Variants in NDUFAF5 observed in about 807,000 individuals in gnomAD.
NDUFAF5 encodes NADH:ubiquinone oxidoreductase complex assembly factor 5, also known as arginine-hydroxylase NDUFAF5, mitochondrial.
Under a neutral mutation model 48.9 loss-of-function variants are expected in NDUFAF5, and 34 were observed. That is an observed-to-expected ratio of 0.70 (90% CI 0.53 to 0.93). The LOEUF (loss-of-function observed/expected upper bound fraction) is 0.93. NDUFAF5 is among the 40% of genes least tolerant of loss of function. The probability of loss-of-function intolerance (pLI) is 0.00; values close to 1 mark genes in which losing one functional copy is unlikely to be tolerated. For synonymous variants in NDUFAF5, 153 were observed against 150.6 expected, an observed-to-expected ratio of 1.02 and a Z score of -0.12; for missense variants, 428 against 427.5, an observed-to-expected ratio of 1.00 and a Z score of -0.01.
chr20:13,796,062 C>G (rs1323998349), intron 5 of NDUFAF5, among the ~76,000 whole-genome samples: 4 of 152,102 alleles, frequency 2.6e-5, no homozygotes, highest in Admixed American at 2.6e-4. Flanking sequence ...TTTCTCCTGT[C>G]TTATAGTCAA....
chr20:13,793,671 A>G (rs1600333765), intron 4 of NDUFAF5, among the ~76,000 whole-genome samples: 1 of 152,232 alleles, frequency 6.6e-6, no homozygotes. Context: ...TAGTTTCTCA[A>G]TAACCAACAC....
intron 9 of NDUFAF5, 138 bp from the exon 10 acceptor site, chr20:13,816,737 G>A (rs2147629302): frequency 2.6e-6 from 2 of 761,114 alleles, no homozygotes; most frequent in East Asian, 2.6e-5. Flanking sequence ...TCAGTATTAA[G>A]AATTTTTCAT....
chr20:13,798,322 A>G (rs965235435), intron 5 of NDUFAF5, 139 bp from the exon 6 acceptor site: 15 of 710,800 alleles, frequency 2.1e-5, no homozygotes, highest in Non-Finnish European at 3.8e-5. Flanking sequence ...AACCTGTATG[A>G]AAACGATCAG....
chr20:13,802,435 G>A (rs1459276418), intron 7 of NDUFAF5, among the ~76,000 whole-genome samples: 3 of 152,110 alleles, frequency 2.0e-5, no homozygotes, highest in African/African-American at 2.4e-5. Context: ...TTGGGAGGCC[G>A]AGGCAAGTGG....
At position 13,793,231 on chromosome 20, in the gene NDUFAF5, G is replaced by C. The variant is rs762186203; in HGVS notation, c.375+4G>C. On this transcript the variant is annotated splice_donor_region_variant and intron_variant, in intron 4 of 10. Transcript: ENST00000378106. ...TGACATTGCAGAAAATGCTTTGGTA[G>C]GTAGCTTTTTAATACTGTTGGTTTC... is the stretch of plus-strand genomic sequence containing the variant. The C allele has an allele frequency of 3.7e-6, 6 of 1,611,252 alleles. No homozygotes were observed. Among genetic ancestry groups the C allele is most frequent in the Middle Eastern group, 1.6e-4 (1 of 6,070 alleles).
chr20:13,789,441 A>G (rs1981872758), intron 3 of NDUFAF5, among the ~76,000 whole-genome samples: 1 of 150,896 alleles, frequency 6.6e-6, no homozygotes, highest in South Asian at 2.1e-4. Context: ...CTGGGATGAC[A>G]GGCGTGAGCT....
In NDUFAF5 at chr20:13,785,260, G is replaced by C. The variant is rs988257843; in HGVS notation, c.192G>C (p.Glu64Asp). Reference sequence around the variant, plus strand: ...AGAACTGGGCAGCCCGGCAGCCCGAGCCGACCAAATTTGACTACCTGAAGG... The same window carrying C: ...AGAACTGGGCAGCCCGGCAGCCCGACCCGACCAAATTTGACTACCTGAAGG... ...KQKNWAARQP[E>D]PTKFDYLKEE... Residue 64 changes from glutamate (E) to aspartate (D), a missense_variant, in exon 1 of 11, where the codon GAG becomes GAC. Glu to Asp is a conservative substitution (Grantham distance 45). Transcript: ENST00000378106. The C allele has an allele frequency of 1.2e-6, 2 of 1,612,716 alleles. No individual in the cohort carries two copies. Among genetic ancestry groups the C allele is most frequent in the Non-Finnish European group, 1.7e-6 (2 of 1,179,562 alleles).
At position 13,801,531 on chromosome 20, in the gene NDUFAF5, T is replaced by C. The variant is rs774740189; in HGVS notation, c.565T>C (p.Phe189Leu). Residue 189 changes from phenylalanine to leucine, a missense_variant, in exon 7 of 11, where the codon TTT becomes CTT. Transcript: ENST00000378106. ...AGATGGAGTGTTTATCGGTGCAATG[T>C]TTGGAGGCGACACACTCTATGAACT... ...KPDGVFIGAMFGGDTLYELRC... is the reference protein window; with the variant it reads ...KPDGVFIGAMLGGDTLYELRC... 6.2e-7 allele frequency: 1 copy of C among 1,614,010 alleles called. No individual in the cohort carries two copies. Among genetic ancestry groups the C allele is most frequent in the South Asian group, 1.1e-5 (1 of 91,066 alleles).
rs781120603 is a variant in NDUFAF5 at position 13,787,338 on chromosome 20, A to T, written c.249A>T (p.Val83=). The change falls in exon 2 of 11, where the codon GTA becomes GTT. Residue 83 remains valine (V), a synonymous_variant. Transcript: ENST00000378106. ...TTGGAAGTCGGATCGCAGACCGTGT[A>T]TATGACATACCCAGGTAAGTGGTGG... ...EEVGSRIADR[V]YDIPRNFPLA... 1.2e-6 allele frequency: 2 copies of T among 1,614,118 alleles called. No homozygotes were observed. Among genetic ancestry groups the T allele is most frequent in the Non-Finnish European group, 1.7e-6 (2 of 1,179,974 alleles).
intron 5 of NDUFAF5, 89 bp from the exon 6 acceptor site, chr20:13,798,372 C>A: frequency 1.0e-6 from 1 of 959,852 alleles, no homozygotes; most frequent in Non-Finnish European, 1.7e-6. Flanking sequence ...AAATTAACAC[C>A]TTTTTATGGG....
intron 3 of NDUFAF5, among the ~76,000 whole-genome samples, chr20:13,790,340 C>G (rs1039678801): frequency 6.7e-6 from 1 of 150,026 alleles, no homozygotes; most frequent in South Asian, 2.1e-4. Flanking sequence ...AGTAACTCAA[C>G]GCCAAAAAAC....
chr20:13,819,366 T>TTTTTA lies in NDUFAF5; in HGVS notation c.*2171_*2175dup, dbSNP rs977527315. ...CTTTTTTGTTGGTTTATTTTTTTAT[T>TTTTTA]TTTTATTTTATTTTATTTTTTGAGA... On this transcript the variant is annotated 3_prime_UTR_variant, in exon 11 of 11. Transcript: ENST00000378106. The TTTTTA allele has an allele frequency of 2.6e-5, 4 of 152,196 alleles. No homozygotes were observed. Among genetic ancestry groups the TTTTTA allele is most frequent in the African/African-American group, 9.6e-5 (4 of 41,464 alleles). The allele number at this position is 152,196 out of a possible 1,614,324, so 9.4% of individuals were successfully genotyped here. A position where few individuals can be genotyped will look rare whatever the true frequency, so the allele number is the denominator to read the frequency against.
chr20:13,817,316 T>A lies in NDUFAF5; in HGVS notation c.*106T>A. 1.1e-6 allele frequency: 1 copy of A among 885,816 alleles called. No individual in the cohort carries two copies. The highest frequency in any genetic ancestry group is 1.9e-6 in the Non-Finnish European group (1 of 520,110). The allele number at this position is 885,816 out of a possible 1,614,324, so 54.9% of individuals were successfully genotyped here. A position where few individuals can be genotyped will look rare whatever the true frequency, so the allele number is the denominator to read the frequency against. ...GCAAGAAGCACTCTAAGCTATTTAC[T>A]AATAGGCTTTTCATATAATTAGGAA... is the stretch of plus-strand genomic sequence containing the variant. On this transcript the variant is annotated 3_prime_UTR_variant, in exon 11 of 11. Transcript: ENST00000378106.
chr20:13,807,947 T>C (rs1455411810), intron 7 of NDUFAF5, among the ~76,000 whole-genome samples: 1 of 62,424 alleles, frequency 1.6e-5, no homozygotes, highest in Admixed American at 1.4e-4. Context: ...AGAATCCGTC[T>C]TAAAAAAAAA....
intron 4 of NDUFAF5, among the ~76,000 whole-genome samples, chr20:13,794,427 G>A (rs989924527): frequency 6.6e-6 from 1 of 152,042 alleles, no homozygotes; most frequent in Non-Finnish European, 1.5e-5. Flanking sequence ...TTACAGGTGC[G>A]TGCCACCACG....
chr20:13,796,844 T>C (rs1280978106), intron 5 of NDUFAF5, among the ~76,000 whole-genome samples: 1 of 152,218 alleles, frequency 6.6e-6, no homozygotes, highest in Non-Finnish European at 1.5e-5. Context: ...CTGCATGTCA[T>C]GGCGCATGCC....
At chr20:13,802,663 T>TC (rs1177075115) in intron 7 of NDUFAF5, among the ~76,000 whole-genome samples, 1 of 67,152 alleles carries the variant, frequency 1.5e-5, no homozygotes, top group Non-Finnish European at 2.6e-5. Flanking sequence ...AGAGTGAAAT[T>TC]CCCGTCTCAA....
chr20:13,800,688 A>G (rs990043633), intron 6 of NDUFAF5, among the ~76,000 whole-genome samples: 3 of 152,230 alleles, frequency 2.0e-5, no homozygotes, highest in Admixed American at 6.5e-5. Flanking sequence ...TTTTCTGCAT[A>G]ATAAGGCACC....
intron 6 of NDUFAF5, 128 bp downstream of exon 6, chr20:13,798,628 C>A: frequency 2.6e-6 from 2 of 762,364 alleles, no homozygotes; most frequent in Non-Finnish European, 4.6e-6. Flanking sequence ...TCGGTGAAAT[C>A]ATCTGGTGCC....
Sources: gnomAD v4.1 joint callset for allele counts (sites outside exome capture counted in the v4.1 genomes callset) on GRCh38, gnomAD v4.1.1 for gene constraint, MANE v1.5 for transcripts, NCBI Gene and HGNC (gene_info 2026-07-23, HGNC 2026-07-21) for gene names.